PINLYP: variants seen among roughly 807,000 people sequenced by gnomAD.
PINLYP encodes phospholipase A2 inhibitor and Ly6/PLAUR domain-containing protein.
A neutral mutation model predicts 15.8 loss-of-function variants in PINLYP; 12 were observed. The ratio of observed to expected loss-of-function variants is 0.76; its 90% CI spans 0.49 to 1.23. The LOEUF (loss-of-function observed/expected upper bound fraction) is 1.23. Among genes scored for constraint, PINLYP ranks in the 50% most tolerant of loss-of-function variants. The pLI is 0.00. For missense variants in PINLYP, 278 were observed against 264.2 expected, an observed-to-expected ratio of 1.05 and a Z score of -0.36; for synonymous variants, 93 against 97.7, an observed-to-expected ratio of 0.95 and a Z score of 0.28.
intron 3 of PINLYP, chr19:43,580,377 C>T (rs1201445728): frequency 7.2e-6 from 2 of 278,160 alleles, no homozygotes; most frequent in African/African-American, 4.6e-5. Flanking sequence ...TAAACAAGAC[C>T]TGAAAATAGC....
At position 43,576,495 on chromosome 19, in the gene PINLYP, C is replaced by CA. The variant is rs1418735846; in HGVS notation, c.-502_-501insA. Among the ~76,000 whole-genome samples the CA allele has an allele frequency of 1.3e-5, 2 of 151,494 alleles. No individual in the cohort carries two copies. Among genetic ancestry groups the CA allele is most frequent in the East Asian group, 3.8e-4 (2 of 5,198 alleles). On this transcript the variant is annotated 5_prime_UTR_variant, in exon 1 of 6. An upstream open reading frame in the 5' UTR loses its in-frame stop. Coordinates refer to ENST00000599207, the Ensembl canonical transcript of PINLYP. ...CCCCCACCACACACACACACACACA[C>CA]CCCTATCCTGGAGTTCTTCCACAAA...
chr19:43,575,756 C>A, upstream of PINLYP: 1 of 336,492 alleles, frequency 3.0e-6, no homozygotes, highest in Non-Finnish European at 5.4e-6. Flanking sequence ...GACGTCCGAA[C>A]CCTGCTTTCT....
At chr19:43,579,988 C>T (rs1020269512) in intron 3 of PINLYP, among the ~76,000 whole-genome samples, 8 of 152,064 alleles carry the variant, frequency 5.3e-5, no homozygotes, top group African/African-American at 1.9e-4. Flanking sequence ...AGAAAGGGAG[C>T]AATGGAAGAG....
In PINLYP at chr19:43,577,290, T is replaced by C. The variant is rs3213237; in HGVS notation, c.70+29T>C. ...AGTGACAAGGGACCTGAACTGTCTCTGGGACCTCAGGAAGAGAGAGGTCCC... is the reference window on the plus strand; with the variant it reads ...AGTGACAAGGGACCTGAACTGTCTCCGGGACCTCAGGAAGAGAGAGGTCCC... On this transcript the variant is annotated intron_variant, in intron 2 of 5. Transcript: ENST00000599207. 6.2e-5 allele frequency: 95 copies of C among 1,531,146 alleles called. No individual in the cohort carries two copies. In the African/African-American group the frequency reaches 1.2e-3, roughly 19 times the overall value. The allele number at this position is 1,531,146 out of a possible 1,614,324, so 94.8% of individuals were successfully genotyped here.
At chr19:43,576,132 T>G (rs1050514780) in exon 1 of PINLYP, 3 of 152,216 alleles carry the variant, frequency 2.0e-5, no homozygotes, top group African/African-American at 7.2e-5. Flanking sequence ...TTGCCCAGAC[T>G]GGTCTCGAAC....
rs530451761 is a variant in PINLYP at position 43,581,562 on chromosome 19, G to A, written c.341-1G>A. ...ACCTTACACTTCATCCTCATCCTCA[G>A]TTCCCTTGACCAATCTTACTGAGAA... On this transcript the variant is annotated splice_acceptor_variant, in intron 4 of 5. Coordinates refer to ENST00000599207, the Ensembl canonical transcript of PINLYP. LOFTEE classifies it high-confidence loss of function. 1 of 1,534,760 alleles carries A rather than the reference G, an allele frequency of 6.5e-7. No homozygotes were observed. Among genetic ancestry groups the A allele is most frequent in the Admixed American group, 2.0e-5 (1 of 50,644 alleles).
chr19:43,576,240 T>A (rs894130466), exon 1 of PINLYP, among the ~76,000 whole-genome samples: 1 of 152,106 alleles, frequency 6.6e-6, no homozygotes, highest in African/African-American at 2.4e-5. Flanking sequence ...TCTGAGTGAA[T>A]TTTCGTAGTT....
At chr19:43,575,815 T>G (rs1972855310) in exon 1 of PINLYP, 1 of 230,394 alleles carries the variant, frequency 4.3e-6, no homozygotes, top group African/African-American at 2.3e-5. Flanking sequence ...CTGGAAGAAA[T>G]TCGCCTTTCT....
At position 43,580,528 on chromosome 19, in the gene PINLYP, G is replaced by A. The variant is rs536509655; in HGVS notation, c.188-684G>A. 8 of 985,530 alleles carry A rather than the reference G, an allele frequency of 8.1e-6. No individual in the cohort carries two copies. The South Asian group carries it at 2.8e-4, about 35-fold the overall frequency. 61.0% of individuals were successfully genotyped at this position (985,530 alleles called of 1,614,324 possible). A position where few individuals can be genotyped will look rare whatever the true frequency, so the allele number is the denominator to read the frequency against. ...GGGCGGGGGTTGGCGGGGAGTTGAG[G>A]AGGCTGGAAGAGACCATTTCACGAA... On this transcript the variant is annotated intron_variant, in intron 3 of 5. Coordinates refer to ENST00000599207, the Ensembl canonical transcript of PINLYP.
intron 2 of PINLYP, among the ~76,000 whole-genome samples, chr19:43,577,536 A>G (rs946591586): frequency 6.6e-6 from 1 of 151,810 alleles, no homozygotes; most frequent in Non-Finnish European, 1.5e-5. Context: ...TCCCAAACAC[A>G]TCTCAATTCT....
exon 1 of PINLYP, chr19:43,576,865 C>T (rs1231274745): frequency 3.1e-6 from 1 of 321,366 alleles, no homozygotes; most frequent in Admixed American, 4.7e-5. Context: ...ATCAAGAGGC[C>T]CAACTCCGTC....
exon 2 of PINLYP, chr19:43,577,164 G>T (rs532281516): frequency 1.3e-6 from 2 of 1,535,992 alleles, no homozygotes; most frequent in Admixed American, 2.0e-5. Context: ...ATAAAAGCTG[G>T]GGACCAGGTA....
chr19:43,577,242 C>A (rs1349588291), exon 2 of PINLYP: 5 of 1,535,970 alleles, frequency 3.3e-6, no homozygotes, highest in African/African-American at 1.4e-5. Context: ...TTGTGTTGCT[C>A]TGCACCCTCC....
intron 3 of PINLYP, among the ~76,000 whole-genome samples, chr19:43,579,237 T>C (rs1406042672): frequency 6.6e-6 from 1 of 152,018 alleles, no homozygotes; most frequent in African/African-American, 2.4e-5. Flanking sequence ...CCTTGAAGTA[T>C]GGAGCAAATC....
At chr19:43,581,183 C>A in intron 3 of PINLYP, 29 bp from the exon 4 acceptor site, 1 of 1,533,406 alleles carries the variant, frequency 6.5e-7, no homozygotes, top group Non-Finnish European at 8.7e-7. Context: ...GGTCAGCCAG[C>A]ACTGTCCCTG....
At chr19:43,580,090 G>C (rs919933862) in intron 3 of PINLYP, among the ~76,000 whole-genome samples, 36 of 152,182 alleles carry the variant, frequency 2.4e-4, no homozygotes, top group African/African-American at 8.0e-4. Flanking sequence ...GAATAAAGGC[G>C]ACTTTGGGTG....
exon 3 of PINLYP, chr19:43,578,695 A>T: frequency 6.5e-7 from 1 of 1,535,562 alleles, no homozygotes; most frequent in Non-Finnish European, 8.7e-7. Context: ...CTGGTCGGGA[A>T]GGCTACTTCA....
chr19:43,581,372 G>GC lies in PINLYP; in HGVS notation c.340+11dup, dbSNP rs1352420883. ...ACAGTGCCTTTTTGTCTGGTAAGAA[G>GC]CCCGTGGTGTGTGGTGTGTGCTCTG... On this transcript the variant is annotated intron_variant, in intron 4 of 5. Coordinates refer to ENST00000599207, the Ensembl canonical transcript of PINLYP. The GC allele has an allele frequency of 3.3e-6, 5 of 1,536,466 alleles. No homozygotes were observed. The highest frequency in any genetic ancestry group is 1.4e-5 in the African/African-American group (1 of 73,062).
intron 4 of PINLYP, 81 bp downstream of exon 4, chr19:43,581,445 T>C: frequency 6.6e-7 from 1 of 1,518,802 alleles, no homozygotes; most frequent in Non-Finnish European, 8.8e-7. Flanking sequence ...CTGAGCCTGT[T>C]TCCTTACCTG....
Sources: allele counts gnomAD v4.1 joint callset (sites outside exome capture counted in the v4.1 genomes callset), GRCh38; gene constraint gnomAD v4.1.1; transcripts MANE v1.5; gene names NCBI Gene and HGNC (gene_info 2026-07-23, HGNC 2026-07-21).